Variants in SCAMP1 observed in about 807,000 individuals in gnomAD.
SCAMP1 encodes secretory carrier membrane protein 1.
Under a neutral mutation model 41.8 loss-of-function variants are expected in SCAMP1, and 15 were observed. The ratio of observed to expected loss-of-function variants is 0.36; its 90% confidence interval spans 0.24 to 0.55. The LOEUF (loss-of-function observed/expected upper bound fraction) is 0.55. SCAMP1 is among the 20% of genes least tolerant of loss of function. SCAMP1 has a pLI of 0.86. For missense variants in SCAMP1, 341 were observed against 412.6 expected, an observed-to-expected ratio of 0.83 and a Z score of 1.50; for synonymous variants, 135 against 136.8, an observed-to-expected ratio of 0.99 and a Z score of 0.09.
In SCAMP1 at chr5:78,459,260, C is replaced by T. The variant is rs749793305; in HGVS notation, c.750C>T (p.Ser250=). The change falls in exon 8 of 9, where the codon TCC becomes TCT. Residue 250 remains serine, a synonymous_variant. Coordinates refer to ENST00000621999, the MANE Select transcript of SCAMP1 (RefSeq NM_004866.6). The part of the protein sequence containing the change: ...HNWGNCGWIS[S]LTGLNQNIPV... ...TACTTTTTAGTGGTTGGATTTCATC[C>T]CTTACTGGTCTCAACCAAAATATTC... The T allele has an allele frequency of 6.4e-7, 1 of 1,563,340 alleles. No homozygotes were observed. The highest frequency in any genetic ancestry group is 8.8e-7 in the Non-Finnish European group (1 of 1,136,288).
At chr5:78,392,033 GGGAGACC>G (rs1751527547) in intron 2 of SCAMP1, among the ~76,000 whole-genome samples, 1 of 1,400 alleles carries the variant, frequency 7.1e-4, no homozygotes, top group Non-Finnish European at 2.9e-3. Flanking sequence ...GAGAGGGAGA[GGGAGACC>G]GTGGAAAGAG....
chr5:78,473,026 C>G (rs1231022982), intron 8 of SCAMP1, among the ~76,000 whole-genome samples: 2 of 152,010 alleles, frequency 1.3e-5, no homozygotes, highest in Non-Finnish European at 2.9e-5. Flanking sequence ...AGATAAGTGT[C>G]TGGAACATAG....
chr5:78,441,608 G>C (rs1350939107), intron 6 of SCAMP1, among the ~76,000 whole-genome samples: 2 of 152,176 alleles, frequency 1.3e-5, no homozygotes, highest in African/African-American at 4.8e-5. Context: ...GATGTCAGGA[G>C]TTTGAATCCA....
At chr5:78,382,309 T>C (rs1414621289) in intron 1 of SCAMP1, among the ~76,000 whole-genome samples, 1 of 152,234 alleles carries the variant, frequency 6.6e-6, no homozygotes, top group Non-Finnish European at 1.5e-5. Context: ...TGCTGAGATG[T>C]TCATTATAAA....
In SCAMP1 at chr5:78,384,170, A is replaced by ATT. The variant is rs1751280992; in HGVS notation, c.58-4667_58-4666insTT. Among the ~76,000 whole-genome samples, 12 of 64,418 alleles carry ATT rather than the reference A, an allele frequency of 1.9e-4. No individual in the cohort carries two copies. The East Asian group carries it at 4.0e-3, about 21-fold the overall frequency. The allele number at this position is 64,418 out of a possible 152,430, so 42.3% of individuals were successfully genotyped here. Reference sequence around the variant, plus strand: ...ACCTCTTTGGTTAGGTATATTCCCAAGTTTTTTTTCTTTTTTTTTTTTTGC... The same window carrying ATT: ...ACCTCTTTGGTTAGGTATATTCCCAATTGTTTTTTTTCTTTTTTTTTTTTTGC... On this transcript the variant is annotated intron_variant, in intron 1 of 8. Transcript: ENST00000621999.
At chr5:78,462,432 C>A (rs569316796) in intron 8 of SCAMP1, among the ~76,000 whole-genome samples, 16 of 152,254 alleles carry the variant, frequency 1.1e-4, no homozygotes, top group African/African-American at 3.1e-4. Flanking sequence ...TGGGTTCAAG[C>A]AATTCTCATG....
intron 8 of SCAMP1, among the ~76,000 whole-genome samples, chr5:78,463,273 A>G (rs945313458): frequency 6.6e-6 from 1 of 152,174 alleles, no homozygotes; most frequent in African/African-American, 2.4e-5. Context: ...CTTTGCAATG[A>G]TGTTCTAATT....
intron 2 of SCAMP1, among the ~76,000 whole-genome samples, chr5:78,391,095 CCCCACCTTT>C (rs1206527122): frequency 3.4e-5 from 4 of 118,216 alleles, no homozygotes; most frequent in African/African-American, 1.2e-4. Flanking sequence ...TCAATCTTTT[CCCCACCTTT>C]CCCCCCTTTC....
chr5:78,455,164 T>G (rs1436019761), intron 7 of SCAMP1, among the ~76,000 whole-genome samples: 2 of 150,880 alleles, frequency 1.3e-5, no homozygotes, highest in Admixed American at 6.6e-5. Flanking sequence ...TTTGAAGGGT[T>G]TTTTGTGTCT....
chr5:78,413,230 CCT>C (rs1561265864), intron 2 of SCAMP1, among the ~76,000 whole-genome samples: 1 of 151,848 alleles, frequency 6.6e-6, no homozygotes, highest in Non-Finnish European at 1.5e-5. Context: ...TGTAGTGACA[CCT>C]CTGTTAGATA....
intron 1 of SCAMP1, among the ~76,000 whole-genome samples, chr5:78,382,076 A>G (rs1561253154): frequency 6.6e-6 from 1 of 152,206 alleles, no homozygotes; most frequent in Non-Finnish European, 1.5e-5. Flanking sequence ...CCAGACCAGC[A>G]GAAGCAGTAT....
chr5:78,395,294 G>A (rs1202001326), intron 2 of SCAMP1, among the ~76,000 whole-genome samples: 2 of 152,146 alleles, frequency 1.3e-5, no homozygotes, highest in Non-Finnish European at 2.9e-5. Flanking sequence ...TCTAGCCAAA[G>A]TCTAATTAAC....
At chr5:78,379,046 T>G (rs1751135180) in intron 1 of SCAMP1, among the ~76,000 whole-genome samples, 1 of 152,198 alleles carries the variant, frequency 6.6e-6, no homozygotes, top group Non-Finnish European at 1.5e-5. Flanking sequence ...TTATTTTGAT[T>G]ATGTTGGAGA....
chr5:78,470,217 G>A (rs898576710), intron 8 of SCAMP1, among the ~76,000 whole-genome samples: 19 of 151,968 alleles, frequency 1.3e-4, no homozygotes, highest in African/African-American at 4.6e-4. Context: ...TTACATTTAG[G>A]TATACAATTC....
intron 2 of SCAMP1, among the ~76,000 whole-genome samples, chr5:78,390,505 A>G (rs1324867402): frequency 6.6e-6 from 1 of 152,148 alleles, no homozygotes; most frequent in Non-Finnish European, 1.5e-5. Context: ...TGAGAGTGCA[A>G]TTTGGTAGTA....
intron 7 of SCAMP1, among the ~76,000 whole-genome samples, chr5:78,456,653 A>G (rs10060229): frequency 0.76 from 112,394 of 147,986 alleles, 43,349 homozygotes; most frequent in African/African-American, 0.84. Context: ...GAATCTGACA[A>G]TAATGTGTCT....
chr5:78,469,474 CAA>C (rs749920453), intron 8 of SCAMP1, among the ~76,000 whole-genome samples: 1 of 135,828 alleles, frequency 7.4e-6, no homozygotes, highest in Non-Finnish European at 1.6e-5. Context: ...GTATATTCAC[CAA>C]AAAAAAAAAA....
At chr5:78,390,202 GA>G (rs1258714307) in intron 2 of SCAMP1, among the ~76,000 whole-genome samples, 2 of 152,030 alleles carry the variant, frequency 1.3e-5, no homozygotes, top group Non-Finnish European at 2.9e-5. Flanking sequence ...GGTGTTGGGG[GA>G]AAAAACCCCA....
chr5:78,429,467 T>C (rs1377664910), intron 6 of SCAMP1, among the ~76,000 whole-genome samples: 4 of 151,990 alleles, frequency 2.6e-5, no homozygotes, highest in South Asian at 2.1e-4. Flanking sequence ...TCTGTTAATA[T>C]GGTGAGTTAC....
Sources: allele counts gnomAD v4.1 joint callset (sites outside exome capture counted in the v4.1 genomes callset), GRCh38; gene constraint gnomAD v4.1.1; transcripts MANE v1.5; gene names NCBI Gene and HGNC (gene_info 2026-07-23, HGNC 2026-07-21).